Variants in TRAPPC9 observed in about 807,000 individuals in gnomAD.
TRAPPC9 encodes IKK2 binding protein.
In TRAPPC9, 83 loss-of-function variants were observed where a neutral mutation model predicts 124.0. That is an observed-to-expected ratio of 0.67 (90% CI 0.56 to 0.80). The LOEUF (loss-of-function observed/expected upper bound fraction) is 0.80. TRAPPC9 is among the 30% of genes least tolerant of loss of function. TRAPPC9 has a pLI of 0.00. For synonymous variants in TRAPPC9, 638 were observed against 617.5 expected, an observed-to-expected ratio of 1.03 and a Z score of -0.49; for missense variants, 1,302 against 1,508.3, an observed-to-expected ratio of 0.86 and a Z score of 2.27.
rs917644042 is a variant in TRAPPC9 at position 140,275,576 on chromosome 8, T to C, written c.2278+82A>G. On this transcript the variant is annotated intron_variant, in intron 15 of 22. Transcript: ENST00000438773. ...TCCACAAAGAAGTTTTTAGATTCTCTGAAAACTGAGAATTTAAAGTATCTC... is the reference window on the plus strand; with the variant it reads ...TCCACAAAGAAGTTTTTAGATTCTCCGAAAACTGAGAATTTAAAGTATCTC... The C allele has an allele frequency of 2.9e-5, 43 of 1,492,080 alleles. No homozygotes were observed. The Admixed American group carries it at 4.4e-4, about 15-fold the overall frequency. 92.4% of individuals were successfully genotyped at this position (1,492,080 alleles called of 1,614,324 possible). A position where few individuals can be genotyped will look rare whatever the true frequency, so the allele number is the denominator to read the frequency against.
chr8:140,322,130 T>C (rs745421093), intron 9 of TRAPPC9, among the ~76,000 whole-genome samples: 8 of 152,124 alleles, frequency 5.3e-5, no homozygotes, highest in African/African-American at 9.7e-5. Flanking sequence ...AAGCCAGAGA[T>C]AGGGCTGGAG....
At chr8:139,813,851 T>C (rs996221938) in intron 21 of TRAPPC9, among the ~76,000 whole-genome samples, 1 of 151,746 alleles carries the variant, frequency 6.6e-6, no homozygotes, top group African/African-American at 2.4e-5. Flanking sequence ...AGGGCAGAGG[T>C]GACGGCACCG....
intron 9 of TRAPPC9, among the ~76,000 whole-genome samples, chr8:140,328,251 T>A (rs2066792745): frequency 2.0e-5 from 3 of 151,916 alleles, no homozygotes; most frequent in African/African-American, 7.3e-5. Context: ...CGAAAGTCCG[T>A]CTCAAAAACA....
At chr8:140,126,731 A>G (rs1304921833) in intron 17 of TRAPPC9, among the ~76,000 whole-genome samples, 1 of 152,220 alleles carries the variant, frequency 6.6e-6, no homozygotes. Flanking sequence ...TAACTTTACC[A>G]AATCTCATCT....
At chr8:139,833,089 C>T (rs1047516430) in intron 21 of TRAPPC9, among the ~76,000 whole-genome samples, 10 of 152,260 alleles carry the variant, frequency 6.6e-5, no homozygotes, top group South Asian at 6.2e-4. Flanking sequence ...CAGTCTCCAG[C>T]GGACATCAGC....
rs555371576 is a variant in TRAPPC9, at chr8:139,988,778, C to T, written c.2758G>A (p.Val920Ile). 32 of 1,551,458 alleles carry T rather than the reference C, an allele frequency of 2.1e-5. No individual in the cohort carries two copies. Among genetic ancestry groups the T allele is most frequent in the Middle Eastern group, 1.7e-4 (1 of 5,944 alleles). The change falls in exon 19 of 23, where the codon GTC becomes ATC. Residue 920 changes from valine (V) to isoleucine (I), a missense_variant. Val to Ile is a conservative substitution (Grantham distance 29). Transcript: ENST00000438773. ...AGTGCCTCGCTGCTCCTGGTGCTGA[C>T]GGTCAGCTCATGCTCGGTGGAGTTG... ...VFNSTEHELTVSTRSSEALIL... is the reference protein window; with the variant it reads ...VFNSTEHELTISTRSSEALIL...
At chr8:139,932,947 G>C (rs1050477616) in intron 19 of TRAPPC9, 2 of 181,390 alleles carry the variant, frequency 1.1e-5, no homozygotes, top group African/African-American at 4.9e-5. Context: ...TTCCCGGAAC[G>C]CCCCTGCACC....
At chr8:140,092,895 G>T (rs1844667238) in intron 17 of TRAPPC9, among the ~76,000 whole-genome samples, 1 of 152,118 alleles carries the variant, frequency 6.6e-6, no homozygotes, top group Admixed American at 6.5e-5. Flanking sequence ...AGTTATGAGG[G>T]CTTACACCCT....
intron 9 of TRAPPC9, among the ~76,000 whole-genome samples, chr8:140,317,655 C>T (rs941475642): frequency 4.0e-5 from 6 of 151,772 alleles, no homozygotes; most frequent in East Asian, 1.9e-4. Context: ...AGTTTAACAA[C>T]GAAAAATAAA....
chr8:139,923,481 A>T, intron 19 of TRAPPC9, among the ~76,000 whole-genome samples: 1 of 149,668 alleles, frequency 6.7e-6, no homozygotes, highest in Non-Finnish European at 1.5e-5. Context: ...TTCACTCAAC[A>T]CTCTGCTCCT....
chr8:140,240,168 A>T, intron 16 of TRAPPC9, among the ~76,000 whole-genome samples: 1 of 152,210 alleles, frequency 6.6e-6, no homozygotes, highest in Non-Finnish European at 1.5e-5. Context: ...GTTCTGCACA[A>T]AGAACTGAAC....
intron 8 of TRAPPC9, among the ~76,000 whole-genome samples, chr8:140,364,732 G>A (rs377242547): frequency 1.6e-4 from 25 of 151,994 alleles, no homozygotes; most frequent in South Asian, 2.1e-4. Context: ...ACAGGCATGC[G>A]CCACTACACC....
chr8:140,438,184 A>G (rs999644633), intron 3 of TRAPPC9, among the ~76,000 whole-genome samples: 1 of 152,148 alleles, frequency 6.6e-6, no homozygotes, highest in Non-Finnish European at 1.5e-5. Flanking sequence ...CCCAGCCCCT[A>G]GAACCAGTTG....
At chr8:139,915,325 C>T (rs1194143107) in intron 19 of TRAPPC9, among the ~76,000 whole-genome samples, 2 of 152,200 alleles carry the variant, frequency 1.3e-5, no homozygotes, top group African/African-American at 2.4e-5. Context: ...CTGCTCACTG[C>T]AACCTCCGCT....
intron 19 of TRAPPC9, among the ~76,000 whole-genome samples, chr8:139,976,690 C>G (rs886298099): frequency 6.6e-6 from 1 of 152,214 alleles, no homozygotes; most frequent in Non-Finnish European, 1.5e-5. Context: ...AAATGAAAAC[C>G]ACAGGGAGAA....
chr8:139,993,024 T>C (rs1837739781), intron 18 of TRAPPC9, among the ~76,000 whole-genome samples: 1 of 152,062 alleles, frequency 6.6e-6, no homozygotes, highest in Admixed American at 6.5e-5. Flanking sequence ...ACAATACATA[T>C]AAAATATAAG....
intron 18 of TRAPPC9, among the ~76,000 whole-genome samples, chr8:139,991,441 G>A (rs777203370): frequency 5.3e-5 from 8 of 152,148 alleles, no homozygotes; most frequent in Non-Finnish European, 1.0e-4. Flanking sequence ...CTGTGAATAA[G>A]TTTCCTTTCC....
At chr8:139,990,576 A>G (rs1587429931) in intron 18 of TRAPPC9, among the ~76,000 whole-genome samples, 1 of 151,840 alleles carries the variant, frequency 6.6e-6, no homozygotes, top group Admixed American at 6.6e-5. Context: ...AAGCAGGAAC[A>G]TGTCACCATT....
intron 10 of TRAPPC9, among the ~76,000 whole-genome samples, chr8:140,309,574 A>G (rs2066234691): frequency 6.6e-6 from 1 of 152,260 alleles, no homozygotes; most frequent in Non-Finnish European, 1.5e-5. Context: ...TGTAAGCTTC[A>G]TAACATTCTA....
Sources: allele counts gnomAD v4.1 joint callset (sites outside exome capture counted in the v4.1 genomes callset), GRCh38; gene constraint gnomAD v4.1.1; transcripts MANE v1.5; gene names NCBI Gene and HGNC (gene_info 2026-07-23, HGNC 2026-07-21).